The following DNAH17 variants were observed in gnomAD, a reference collection of about 807,000 sequenced individuals.
DNAH17 encodes the protein axonemal beta dynein heavy chain 17.
In DNAH17, 376 loss-of-function variants were observed where a neutral mutation model predicts 485.6. The ratio of observed to expected loss-of-function variants is 0.77; its 90% CI spans 0.71 to 0.84. The LOEUF (loss-of-function observed/expected upper bound fraction) is 0.84. Among genes scored for constraint, DNAH17 ranks in the 40% least tolerant of loss-of-function variants. The pLI is 0.00. For synonymous variants in DNAH17, 3,031 were observed against 2,405.9 expected, an observed-to-expected ratio of 1.26 and a Z score of -7.60; for missense variants, 6,370 against 5,839.3, an observed-to-expected ratio of 1.09 and a Z score of -2.96.
rs1399549846 is a variant in DNAH17, at chr17:78,500,408, G to C, written c.5537C>G (p.Ala1846Gly). Residue 1846 changes from alanine to glycine, a missense_variant, in exon 36 of 81, where the codon GCC becomes GGC. Coordinates refer to ENST00000389840, the MANE Select transcript of DNAH17 (RefSeq NM_173628.4). ...SLHLIMGGAP[A>G]GPAGTGKTET... ...AGTCTTGCCGGTCCCAGCGGGGCCGGCAGGGGCTCCACCCATGATGAGATG... is the reference window on the plus strand; with the variant it reads ...AGTCTTGCCGGTCCCAGCGGGGCCGCCAGGGGCTCCACCCATGATGAGATG... 2.5e-6 allele frequency: 4 copies of C among 1,611,342 alleles called. No individual in the cohort carries two copies. Among genetic ancestry groups the C allele is most frequent in the Non-Finnish European group, 3.4e-6 (4 of 1,179,244 alleles).
At chr17:78,522,453 TG>T in intron 25 of DNAH17, 1 of 315,138 alleles carries the variant, frequency 3.2e-6, no homozygotes, top group Non-Finnish European at 6.4e-6. Context: ...AATGGAAGGG[TG>T]GAGGCACTGG....
chr17:78,491,137 T>G (rs1328206341), intron 43 of DNAH17, among the ~76,000 whole-genome samples: 1 of 152,220 alleles, frequency 6.6e-6, no homozygotes, highest in African/African-American at 2.4e-5. Flanking sequence ...CCTTCCTGCA[T>G]CCAACTGAGG....
intron 71 of DNAH17, among the ~76,000 whole-genome samples, chr17:78,441,697 T>G (rs376693964): frequency 2.0e-5 from 3 of 152,192 alleles, no homozygotes; most frequent in African/African-American, 7.2e-5. Flanking sequence ...CCGAGTGATG[T>G]TCTGGCGGTC....
rs1453586156 is a variant in DNAH17 at position 78,477,859 on chromosome 17, ATAT to A, written c.7993-1129_7993-1127del. ...GTAAGCAGTCAGTAAATGAGAGGAA[ATAT>A]TATTACCATCACCACCACCATCGCT... On this transcript the variant is annotated intron_variant, in intron 51 of 80. Transcript: ENST00000389840. Among the ~76,000 whole-genome samples the A allele has an allele frequency of 5.9e-5, 9 of 152,090 alleles. No homozygotes were observed. In the East Asian group the frequency reaches 1.7e-3, roughly 29 times the overall value.
chr17:78,570,342 T>C lies in DNAH17; in HGVS notation c.949A>G (p.Thr317Ala), dbSNP rs763305202. The change falls in exon 7 of 81, where the codon ACC becomes GCC. Residue 317 changes from threonine to alanine, a missense_variant. Transcript: ENST00000389840. ...GAGGTGGCCCAGATGAAGCAGATGG[T>C]GTCCAGCACCTTGGCAATGAAGGTG... ...LPTFIAKVLDTICFIWATSEY... is the reference protein window; with the variant it reads ...LPTFIAKVLDAICFIWATSEY... The C allele has an allele frequency of 3.8e-5, 61 of 1,610,190 alleles. No individual in the cohort carries two copies. The highest frequency in any genetic ancestry group is 4.9e-5 in the Non-Finnish European group (58 of 1,178,660).
In DNAH17 at chr17:78,506,797, G is replaced by A; in HGVS notation, c.4726C>T (p.Leu1576=). The change falls in exon 30 of 81, where the codon CTG becomes TTG. Residue 1576 remains leucine (L), a synonymous_variant. Coordinates refer to ENST00000389840, the MANE Select transcript of DNAH17 (RefSeq NM_173628.4). Reference sequence around the variant, plus strand: ...ACAAAATAGAACCGGGGGAAAGCCAGTCTTTTCGTCTCTAAATACTCTGCC... The same window carrying A: ...ACAAAATAGAACCGGGGGAAAGCCAATCTTTTCGTCTCTAAATACTCTGCC... ...ALAEYLETKR[L]AFPRFYFVSS... The A allele has an allele frequency of 6.2e-7, 1 of 1,614,020 alleles. No individual in the cohort carries two copies. The highest frequency in any genetic ancestry group is 1.1e-5 in the South Asian group (1 of 91,084).
chr17:78,540,873 G>A (rs1261617451), intron 17 of DNAH17, among the ~76,000 whole-genome samples: 1 of 150 alleles, frequency 6.7e-3, no homozygotes, highest in East Asian at 0.062. Context: ...GTGGATGGGT[G>A]GGTGGATGGG....
chr17:78,541,707 C>T (rs1278909546), intron 17 of DNAH17, among the ~76,000 whole-genome samples: 1 of 152,054 alleles, frequency 6.6e-6, no homozygotes, highest in Non-Finnish European at 1.5e-5. Flanking sequence ...TGGCTTCAAC[C>T]TCAGCCCAGT....
At chr17:78,503,428 G>A (rs1324413377) in intron 31 of DNAH17, among the ~76,000 whole-genome samples, 14 of 148,588 alleles carry the variant, frequency 9.4e-5, no homozygotes, top group Middle Eastern at 3.5e-3. Context: ...CTCATGATCC[G>A]CCCACCTCGG....
chr17:78,501,517 C>A, intron 34 of DNAH17, 173 bp from the exon 35 acceptor site: 1 of 993,588 alleles, frequency 1.0e-6, no homozygotes, highest in East Asian at 2.6e-5. Flanking sequence ...AGTGGAATCT[C>A]GCTACAGAAT....
At chr17:78,514,733 C>G (rs529154931) in intron 26 of DNAH17, 41 bp downstream of exon 26, 18 of 1,598,306 alleles carry the variant, frequency 1.1e-5, no homozygotes, top group Non-Finnish European at 1.4e-5. Context: ...CAGAGCTGGC[C>G]GCCAGGGGCG....
At chr17:78,480,823 G>T in intron 48 of DNAH17, 37 bp from the exon 49 acceptor site, 1 of 1,505,632 alleles carries the variant, frequency 6.6e-7, no homozygotes, top group Non-Finnish European at 9.2e-7. Flanking sequence ...TGTGCCCCTG[G>T]CCTGGAGGAA....
Position 78,485,634 on chromosome 17 carries a change from C to A in DNAH17, c.7399G>T (p.Asp2467Tyr). 1 of 1,613,808 alleles carries A rather than the reference C, an allele frequency of 6.2e-7. No homozygotes were observed. Among genetic ancestry groups the A allele is most frequent in the Non-Finnish European group, 8.5e-7 (1 of 1,179,722 alleles). Residue 2467 changes from aspartate to tyrosine, a missense_variant, in exon 47 of 81, where the codon GAC (aspartate) becomes TAC (tyrosine). Asp to Tyr is a radical substitution (Grantham distance 160). Transcript: ENST00000389840. Reference protein sequence around the residue: ...AGTGKSVLMGDKLESLNTDNY... With the variant: ...AGTGKSVLMGYKLESLNTDNY... ...TCCGTGTTCAGGCTTTCCAGCTTGT[C>A]CCCCATCAGCACCGACTTGCCCGTC...
chr17:78,500,141 G>C, intron 36 of DNAH17, 164 bp downstream of exon 36: 1 of 744,522 alleles, frequency 1.3e-6, no homozygotes, highest in East Asian at 2.9e-5. Context: ...GACCACCTGA[G>C]GGGGATGCTA....
At chr17:78,575,122 G>C in intron 1 of DNAH17, 40 bp from the exon 2 acceptor site, 1 of 1,362,604 alleles carries the variant, frequency 7.3e-7, no homozygotes, top group Non-Finnish European at 9.9e-7. Context: ...CTGTCTCCCG[G>C]GCTCCCCAAT....
chr17:78,449,927 C>T (rs572478497), intron 68 of DNAH17: 54 of 443,026 alleles, frequency 1.2e-4, no homozygotes, highest in South Asian at 4.4e-4. Flanking sequence ...CCACCCGCCT[C>T]GGCCCCCCAT....
rs1187058690 is a variant in DNAH17, at chr17:78,490,945, G to A, written c.6670-98C>T. The stretch of plus-strand genomic sequence containing the variant: ...TTACTCGGAGCAAACCTCCGAGCAA[G>A]GAGGAGGGGCCCAGGCCAGCCCTGC... On this transcript the variant is annotated intron_variant, in intron 43 of 80. Transcript: ENST00000389840. 3.6e-6 allele frequency: 5 copies of A among 1,406,644 alleles called. No homozygotes were observed. In the East Asian group the frequency reaches 1.3e-4, roughly 35 times the overall value. The allele number at this position is 1,406,644 out of a possible 1,614,324, so 87.1% of individuals were successfully genotyped here. A position where few individuals can be genotyped will look rare whatever the true frequency, so the allele number is the denominator to read the frequency against.
In DNAH17 at chr17:78,575,044, G is replaced by T; in HGVS notation, c.14C>A (p.Pro5Gln). 1 of 1,612,312 alleles carries T rather than the reference G, an allele frequency of 6.2e-7. No homozygotes were observed. Reference protein sequence around the residue: MTMAPDVRLEYLEEV... With the variant: MTMAQDVRLEYLEEV... Reference sequence around the variant, plus strand: ...CTCCAGATACTCTAGTCTGACGTCCGGGGCCATTGTCATCTTGGCCTTTCC... The same window carrying T: ...CTCCAGATACTCTAGTCTGACGTCCTGGGCCATTGTCATCTTGGCCTTTCC... Residue 5 changes from proline to glutamine, a missense_variant, in exon 2 of 81, where the codon CCG becomes CAG. Pro to Gln is a moderately conservative substitution (Grantham distance 76, BLOSUM62 -1). Coordinates refer to ENST00000389840, the MANE Select transcript of DNAH17 (RefSeq NM_173628.4).
At chr17:78,429,321 G>A (rs771767931) in intron 75 of DNAH17, 21 bp from the exon 76 acceptor site, 7 of 1,607,826 alleles carry the variant, frequency 4.4e-6, no homozygotes, top group Non-Finnish European at 6.0e-6. Flanking sequence ...ATGACAGCGG[G>A]TAGGGGAAAG....
Sources: gnomAD v4.1 joint callset for allele counts (sites outside exome capture counted in the v4.1 genomes callset) on GRCh38, gnomAD v4.1.1 for gene constraint, MANE v1.5 for transcripts, NCBI Gene and HGNC (gene_info 2026-07-23, HGNC 2026-07-21) for gene names.